LNX1: variants seen among roughly 807,000 people sequenced by gnomAD.
LNX1 encodes ligand of numb-protein X 1.
In LNX1, 54 loss-of-function variants were observed where a neutral mutation model predicts 68.4. The observed-to-expected ratio is 0.79, with a 90% CI of 0.63 to 0.99. The LOEUF is 0.99. LNX1 is among the 50% of genes least tolerant of loss of function. LNX1 has a pLI of 0.00. For synonymous variants in LNX1, 336 were observed against 350.0 expected, an observed-to-expected ratio of 0.96 and a Z score of 0.45; for missense variants, 906 against 926.4, an observed-to-expected ratio of 0.98 and a Z score of 0.29.
At chr4:53,600,042 A>C (rs1318666035) in intron 2 of LNX1, among the ~76,000 whole-genome samples, 1 of 152,172 alleles carries the variant, frequency 6.6e-6, no homozygotes, top group African/African-American at 2.4e-5. Context: ...ACCTTTTTAA[A>C]AAGGCCCCTC....
chr4:53,605,097 A>G (rs1346378230), intron 2 of LNX1, among the ~76,000 whole-genome samples: 1 of 152,120 alleles, frequency 6.6e-6, no homozygotes, highest in Non-Finnish European at 1.5e-5. Context: ...CACTTCTCCC[A>G]TGTTCTCGTG....
At chr4:53,575,898 G>A in intron 1 of LNX1, 1 of 1,575,702 alleles carries the variant, frequency 6.3e-7, no homozygotes, top group South Asian at 1.2e-5. Context: ...TGCAAGGGGA[G>A]GACTGCCGAG....
At chr4:53,544,204 C>CT (rs1169656958) in intron 2 of LNX1, among the ~76,000 whole-genome samples, 29 of 146,856 alleles carry the variant, frequency 2.0e-4, no homozygotes, top group East Asian at 4.0e-4. Context: ...CTCTCTCTCT[C>CT]TTTTTTTTTT....
chr4:53,556,443 C>T (rs944801825), intron 2 of LNX1, among the ~76,000 whole-genome samples: 2 of 152,056 alleles, frequency 1.3e-5, no homozygotes, highest in African/African-American at 4.8e-5. Context: ...TGACAGCAGC[C>T]CTAGGAAACC....
intron 2 of LNX1, among the ~76,000 whole-genome samples, chr4:53,608,339 AG>A (rs1342651364): frequency 1.3e-5 from 2 of 152,222 alleles, no homozygotes; most frequent in African/African-American, 4.8e-5. Flanking sequence ...AAGACATACA[AG>A]CAGTCAACAA....
intron 1 of LNX1, among the ~76,000 whole-genome samples, chr4:53,583,652 G>T (rs1039239097): frequency 2.2e-4 from 33 of 152,182 alleles, no homozygotes; most frequent in Non-Finnish European, 4.3e-4. Flanking sequence ...TACATCTGGA[G>T]TCAATAAAGG....
At chr4:53,508,496 T>G (rs2109521577) in intron 2 of LNX1, 1 of 415,206 alleles carries the variant, frequency 2.4e-6, no homozygotes, top group South Asian at 3.2e-5. Flanking sequence ...GAATGCAAAT[T>G]TATTCAGGTC....
At chr4:53,491,614 A>C (rs1269208160) in intron 6 of LNX1, among the ~76,000 whole-genome samples, 1 of 152,154 alleles carries the variant, frequency 6.6e-6, no homozygotes, top group Non-Finnish European at 1.5e-5. Context: ...ATGAAAGCAG[A>C]TTTGGTGCTT....
intron 2 of LNX1, among the ~76,000 whole-genome samples, chr4:53,514,003 A>G (rs1316801773): frequency 2.0e-5 from 3 of 152,102 alleles, no homozygotes; most frequent in Admixed American, 6.5e-5. Flanking sequence ...GGGCCTCTGC[A>G]CTTTGCTGCT....
chr4:53,502,184 C>T (rs1292869912), intron 4 of LNX1, among the ~76,000 whole-genome samples: 2 of 152,176 alleles, frequency 1.3e-5, no homozygotes, highest in Non-Finnish European at 2.9e-5. Flanking sequence ...TACTTGAATG[C>T]ATTTTCCAAC....
At chr4:53,596,834 T>C (rs1732776256) in intron 2 of LNX1, among the ~76,000 whole-genome samples, 1 of 152,170 alleles carries the variant, frequency 6.6e-6, no homozygotes, top group Admixed American at 6.5e-5. Flanking sequence ...GAGTCACCCA[T>C]TCTCAGGATC....
chr4:53,556,723 A>G (rs192377722), intron 2 of LNX1, among the ~76,000 whole-genome samples: 25 of 152,332 alleles, frequency 1.6e-4, no homozygotes, highest in Non-Finnish European at 3.1e-4. Context: ...TGAAATGCAG[A>G]ACAAATGATC....
chr4:53,638,232 G>A (rs1403431727), intron 1 of LNX1, among the ~76,000 whole-genome samples: 1 of 152,158 alleles, frequency 6.6e-6, no homozygotes, highest in African/African-American at 2.4e-5. Context: ...GCAGTCATGA[G>A]AGATGAATGG....
rs531930882 is a variant in LNX1, at chr4:53,606,490, A to C, written c.-215+10027T>G. Among the ~76,000 whole-genome samples, 1,185 of 151,898 alleles carry C rather than the reference A, an allele frequency of 7.8e-3. 9 individuals are homozygous for C. Among genetic ancestry groups the C allele is most frequent in the African/African-American group, 0.026 (1,076 of 41,332 alleles). On this transcript the variant is annotated intron_variant, in intron 2 of 3. Coordinates refer to the LNX1 transcript ENST00000504299. ...AACAAACAAACAAAAAACAAACAAA[A>C]AAAAAACAGAACAAGACAGATTCAC...
At position 53,571,317 on chromosome 4, in the gene LNX1, C is replaced by T. The variant is rs568457349; in HGVS notation, c.380+2306G>A. Reference sequence around the variant, plus strand: ...TACAGGTGTGAGCCTCCATGCCCCGCGTAAATTAAGAATCTTGAGATGAAG... The same window carrying T: ...TACAGGTGTGAGCCTCCATGCCCCGTGTAAATTAAGAATCTTGAGATGAAG... On this transcript the variant is annotated intron_variant, in intron 2 of 10. Coordinates refer to ENST00000263925, the MANE Select transcript of LNX1 (RefSeq NM_001126328.3). Among the ~76,000 whole-genome samples, 23 of 150,652 alleles carry T rather than the reference C, an allele frequency of 1.5e-4. 1 individual carries two copies. The South Asian group carries it at 1.7e-3, about 11-fold the overall frequency.
intron 6 of LNX1, among the ~76,000 whole-genome samples, chr4:53,492,994 A>G (rs1249900549): frequency 1.3e-5 from 2 of 152,076 alleles, no homozygotes. Flanking sequence ...TTTTTGAGAC[A>G]GAGTCTTGCT....
upstream of LNX1, among the ~76,000 whole-genome samples, chr4:53,592,730 T>C (rs1454557329): frequency 6.6e-6 from 1 of 152,104 alleles, no homozygotes. Flanking sequence ...CTAGAGGTTT[T>C]GGGGTTTGGT....
chr4:53,621,367 G>A (rs1242829681), upstream of LNX1, among the ~76,000 whole-genome samples: 1 of 152,148 alleles, frequency 6.6e-6, no homozygotes, highest in Non-Finnish European at 1.5e-5. Context: ...AGTTGCCTGT[G>A]CATCTTCAGT....
chr4:53,578,861 T>C (rs1324657704), intron 1 of LNX1, among the ~76,000 whole-genome samples: 2 of 152,160 alleles, frequency 1.3e-5, no homozygotes, highest in Admixed American at 1.3e-4. Flanking sequence ...AGAAACAGAT[T>C]ATGAGATAAT....
Sources: allele counts gnomAD v4.1 joint callset (sites outside exome capture counted in the v4.1 genomes callset), GRCh38; gene constraint gnomAD v4.1.1; transcripts MANE v1.5; gene names NCBI Gene and HGNC (gene_info 2026-07-23, HGNC 2026-07-21).